RNF180: variants seen among roughly 807,000 people sequenced by gnomAD.
RNF180 encodes E3 ubiquitin-protein ligase RNF180.
A neutral mutation model predicts 59.2 loss-of-function variants in RNF180; 38 were observed. The ratio of observed to expected loss-of-function variants is 0.64; its 90% CI spans 0.50 to 0.84. The LOEUF is 0.84. RNF180 is among the 40% of genes least tolerant of loss of function. RNF180 has a pLI of 0.00. For missense variants in RNF180, 705 were observed against 700.9 expected (o/e 1.01, Z -0.07); for synonymous variants, 262 against 240.3 (o/e 1.09, Z -0.84).
At chr5:64,226,589 CCTT>C (rs1481331515) in intron 5 of RNF180, among the ~76,000 whole-genome samples, 1 of 152,046 alleles carries the variant, frequency 6.6e-6, no homozygotes, top group African/African-American at 2.4e-5. Context: ...TATCTGCTGA[CCTT>C]CTCTCCATTA....
intron 7 of RNF180, among the ~76,000 whole-genome samples, chr5:64,356,281 G>GT (rs1746023243): frequency 6.6e-6 from 1 of 151,648 alleles, no homozygotes; most frequent in Non-Finnish European, 1.5e-5. Context: ...TAAATGTGGT[G>GT]TAAGGGACAG....
intron 5 of RNF180, among the ~76,000 whole-genome samples, chr5:64,302,464 G>A (rs966121532): frequency 2.0e-5 from 3 of 151,402 alleles, no homozygotes; most frequent in Non-Finnish European, 4.4e-5. Flanking sequence ...AGAAGATATT[G>A]AAGTATATAT....
intron 5 of RNF180, among the ~76,000 whole-genome samples, chr5:64,253,905 C>CA (rs1399467724): frequency 6.6e-6 from 1 of 152,028 alleles, no homozygotes; most frequent in Admixed American, 6.6e-5. Context: ...CATTATCTTG[C>CA]ATATAGTAAG....
chr5:64,258,833 G>A lies in RNF180; in HGVS notation c.1227+41437G>A, dbSNP rs559140031. 3.1e-3 allele frequency among the ~76,000 whole-genome samples: 474 copies of A among 152,298 alleles called. 1 individual carries two copies. Among genetic ancestry groups the A allele is most frequent in the African/African-American group, 0.011 (466 of 41,560 alleles). On this transcript the variant is annotated intron_variant, in intron 5 of 7. Coordinates refer to ENST00000389100, the MANE Select transcript of RNF180 (RefSeq NM_001113561.2). ...GAGTGGGTAATGTGAAAAATGAAAA[G>A]ACTTGTAGATACAGCTTGTGGAACA... is the stretch of plus-strand genomic sequence containing the variant.
chr5:64,328,225 C>G (rs1332031866), intron 6 of RNF180, among the ~76,000 whole-genome samples: 1 of 152,114 alleles, frequency 6.6e-6, no homozygotes, highest in Non-Finnish European at 1.5e-5. Context: ...TTTTTAACTT[C>G]TCAGAAAATA....
At chr5:64,212,274 C>T (rs1752351304) in intron 3 of RNF180, 114 bp downstream of exon 3, 5 of 661,086 alleles carry the variant, frequency 7.6e-6, no homozygotes, top group Non-Finnish European at 1.4e-5. Flanking sequence ...CTTACTGCTC[C>T]TCACTCCCAT....
chr5:64,284,088 G>T (rs1580176907), intron 5 of RNF180, among the ~76,000 whole-genome samples: 1 of 152,282 alleles, frequency 6.6e-6, no homozygotes, highest in Admixed American at 6.5e-5. Flanking sequence ...TGCTTGAAAA[G>T]GATCTTATTT....
In RNF180 at chr5:64,217,524, A is replaced by G. The variant is rs1469584018; in HGVS notation, c.1227+128A>G. The G allele has an allele frequency of 4.0e-6, 5 of 1,265,790 alleles. No homozygotes were observed. In the African/African-American group the frequency reaches 6.1e-5, roughly 15 times the overall value. 78.4% of individuals were successfully genotyped at this position (1,265,790 alleles called of 1,614,324 possible). ...CTTGAAAGCAAGCACTGGTATTCTC[A>G]GTGTTTTAAAATTTTAGTCATTCAA... is the stretch of plus-strand genomic sequence containing the variant. On this transcript the variant is annotated intron_variant, in intron 5 of 7. Transcript: ENST00000389100.
At chr5:64,243,825 C>A (rs1389932666) in intron 5 of RNF180, among the ~76,000 whole-genome samples, 1 of 152,164 alleles carries the variant, frequency 6.6e-6, no homozygotes, top group Non-Finnish European at 1.5e-5. Flanking sequence ...TGGACAGACA[C>A]CTCATACAGG....
Position 64,214,503 on chromosome 5 carries a change from T to A in RNF180, c.1177T>A (p.Trp393Arg), listed in dbSNP as rs1423693940. ...LRRKQRRRER[W>R]LQKQGKYSGV... is the part of the protein sequence containing the mutation. The stretch of plus-strand genomic sequence containing the variant: ...AAGGAAACAACGAAGGCGTGAAAGA[T>A]GGCTACAGAAGCAGGTAATATTTTT... The change falls in exon 4 of 8, where the codon TGG (tryptophan) becomes AGG (arginine). Residue 393 changes from tryptophan (W) to arginine (R), a missense_variant. Trp to Arg is a moderately radical substitution (Grantham distance 101). Coordinates refer to ENST00000389100, the MANE Select transcript of RNF180 (RefSeq NM_001113561.2). The A allele has an allele frequency of 6.2e-7, 1 of 1,613,126 alleles. No individual in the cohort carries two copies.
chr5:64,257,800 A>T (rs1397627243), intron 5 of RNF180, among the ~76,000 whole-genome samples: 1 of 152,156 alleles, frequency 6.6e-6, no homozygotes, highest in Non-Finnish European at 1.5e-5. Flanking sequence ...GGGAGACTTT[A>T]ACACCCCACA....
At chr5:64,295,704 A>G (rs1742851767) in intron 5 of RNF180, among the ~76,000 whole-genome samples, 1 of 152,164 alleles carries the variant, frequency 6.6e-6, no homozygotes, top group Admixed American at 6.5e-5. Context: ...TCCTATATGC[A>G]GACATTTAGG....
chr5:64,260,940 C>CTTTTTTTTT (rs77043934), intron 5 of RNF180, among the ~76,000 whole-genome samples: 2 of 137,178 alleles, frequency 1.5e-5, no homozygotes, highest in Non-Finnish European at 3.2e-5. Context: ...TCAGTTTCCT[C>CTTTTTTTTT]TTTTTTTTTT....
chr5:64,195,011 CTAG>C (rs763480287), intron 1 of RNF180, among the ~76,000 whole-genome samples: 28 of 152,162 alleles, frequency 1.8e-4, no homozygotes, highest in Non-Finnish European at 2.8e-4. Flanking sequence ...AGTAGGAAAA[CTAG>C]TAGTATGTTA....
chr5:64,362,594 G>T (rs1013482114), intron 7 of RNF180, among the ~76,000 whole-genome samples: 1 of 151,820 alleles, frequency 6.6e-6, no homozygotes, highest in Admixed American at 6.6e-5. Context: ...ATTCCTTTGG[G>T]TATATACCCA....
intron 5 of RNF180, among the ~76,000 whole-genome samples, chr5:64,265,233 A>G (rs1389160946): frequency 2.6e-5 from 4 of 152,146 alleles, no homozygotes; most frequent in Non-Finnish European, 5.9e-5. Context: ...TAGTTTAATT[A>G]GATCCCATTT....
chr5:64,210,307 C>CT (rs1752238260), intron 2 of RNF180, among the ~76,000 whole-genome samples: 1 of 152,102 alleles, frequency 6.6e-6, no homozygotes, highest in Non-Finnish European at 1.5e-5. Flanking sequence ...GATGCAGGCT[C>CT]TTTCCTTCAG....
chr5:64,356,897 AGTG>A (rs1746050606), intron 7 of RNF180, among the ~76,000 whole-genome samples: 1 of 151,908 alleles, frequency 6.6e-6, no homozygotes, highest in African/African-American at 2.4e-5. Flanking sequence ...GAAAATAAAT[AGTG>A]GTGATGGTTG....
chr5:64,225,094 C>T (rs1741597710), intron 5 of RNF180, among the ~76,000 whole-genome samples: 2 of 152,168 alleles, frequency 1.3e-5, no homozygotes, highest in Admixed American at 1.3e-4. Flanking sequence ...GTAAAGCCAG[C>T]TTGTTAGGGG....
Sources: allele counts gnomAD v4.1 joint callset (sites outside exome capture counted in the v4.1 genomes callset), GRCh38; gene constraint gnomAD v4.1.1; transcripts MANE v1.5; gene names NCBI Gene and HGNC (gene_info 2026-07-23, HGNC 2026-07-21).